The following PCDHA7 variants were observed in gnomAD, a reference collection of about 807,000 sequenced individuals.
PCDHA7 encodes protocadherin alpha-7.
PCDHA7 carries 37 observed loss-of-function variants against 57.2 expected under a neutral mutation model. The ratio of observed to expected loss-of-function variants is 0.65; its 90% confidence interval spans 0.50 to 0.85. PCDHA7 has a LOEUF of 0.85. Ranked by LOEUF, PCDHA7 falls within the 40% of genes least tolerant of loss-of-function variation. The probability of loss-of-function intolerance (pLI) is 0.00; values close to 1 mark genes in which losing one functional copy is unlikely to be tolerated. For missense variants in PCDHA7, 1,188 were observed against 1,241.8 expected, an observed-to-expected ratio of 0.96 and a Z score of 0.65; for synonymous variants, 553 against 558.8, an observed-to-expected ratio of 0.99 and a Z score of 0.15.
rs782058857 is a variant in PCDHA7 at position 140,870,963 on chromosome 5, G to A, written c.2355+34225G>A. Reference sequence around the variant, plus strand: ...CGGCGGCGGGCGGCTCGCGCATCCCGTTCCGCGTGGGGCTGTACACGGGCG... The same window carrying A: ...CGGCGGCGGGCGGCTCGCGCATCCCATTCCGCGTGGGGCTGTACACGGGCG... On this transcript the variant is annotated intron_variant, in intron 1 of 3. Coordinates refer to ENST00000525929, the MANE Select transcript of PCDHA7 (RefSeq NM_018910.3). 1.4e-5 allele frequency: 22 copies of A among 1,613,504 alleles called. 1 individual carries two copies. The highest frequency in any genetic ancestry group is 1.9e-5 in the Non-Finnish European group (22 of 1,179,890).
At chr5:140,884,046 A>G (rs781965939) in intron 1 of PCDHA7, 6 of 1,613,474 alleles carry the variant, frequency 3.7e-6, no homozygotes, top group Non-Finnish European at 5.1e-6. Flanking sequence ...GTGGTGGCGA[A>G]GGTGCGCGCG....
chr5:140,945,022 A>G (rs926595272), intron 1 of PCDHA7, among the ~76,000 whole-genome samples: 2 of 152,140 alleles, frequency 1.3e-5, no homozygotes, highest in Non-Finnish European at 2.9e-5. Flanking sequence ...TTTTTTACTC[A>G]GACATAATTA....
chr5:140,943,276 AAGAAAG>A (rs2093462778), intron 1 of PCDHA7, among the ~76,000 whole-genome samples: 3 of 135,982 alleles, frequency 2.2e-5, no homozygotes, highest in African/African-American at 8.7e-5. Flanking sequence ...AAAAAAAAAA[AAGAAAG>A]AAAGAATTAA....
intron 3 of PCDHA7, among the ~76,000 whole-genome samples, chr5:141,009,257 C>G (rs1375950001): frequency 6.6e-6 from 1 of 152,136 alleles, no homozygotes; most frequent in Non-Finnish European, 1.5e-5. Flanking sequence ...GTGTTTGAGA[C>G]CAGCCTGGGC....
rs186780543 is a variant in PCDHA7, at chr5:140,848,623, C to T, written c.2355+11885C>T. On this transcript the variant is annotated intron_variant, in intron 1 of 3. Transcript: ENST00000525929. The stretch of plus-strand genomic sequence containing the variant: ...GTCCCGGAGGAAGCCGAACACGGCA[C>T]CTTCGTGGGCCGCATCGCGCAGGAC... The T allele has an allele frequency of 1.0e-5, 16 of 1,592,746 alleles. 2 individuals carry two copies. The Admixed American group carries it at 1.5e-4, about 15-fold the overall frequency.
intron 1 of PCDHA7, among the ~76,000 whole-genome samples, chr5:140,964,320 T>C (rs782388382): frequency 1.3e-5 from 2 of 152,206 alleles, no homozygotes; most frequent in Non-Finnish European, 2.9e-5. Context: ...TAAAACAGCA[T>C]AATGGACAAC....
rs782421721 is a variant in PCDHA7, at chr5:140,966,807, C to T, written c.2356-12142C>T. Reference sequence around the variant, plus strand: ...ACCAGACCTGCGGCGACAGAGCATCCACGGCTCCGGCGGCCCATGCCCTGG... The same window carrying T: ...ACCAGACCTGCGGCGACAGAGCATCTACGGCTCCGGCGGCCCATGCCCTGG... On this transcript the variant is annotated intron_variant, in intron 1 of 3. Transcript: ENST00000525929. 3 of 1,547,208 alleles carry T rather than the reference C, an allele frequency of 1.9e-6. No homozygotes were observed. The South Asian group carries it at 3.6e-5, about 18-fold the overall frequency.
Position 141,000,421 on chromosome 5 carries a change from A to ATTTT in PCDHA7, c.2504-9186_2504-9183dup, listed in dbSNP as rs34755515. ...TATATATATATATATATATATATAT[A>ATTTT]TTTTTTTTTTTTTTTTTTTTTTTGA... On this transcript the variant is annotated intron_variant, in intron 3 of 3. Transcript: ENST00000525929. Among the ~76,000 whole-genome samples the ATTTT allele has an allele frequency of 6.1e-3, 170 of 27,980 alleles. 16 individuals carry two copies. The highest frequency in any genetic ancestry group is 7.4e-3 in the Non-Finnish European group (131 of 17,660). The allele number at this position is 27,980 out of a possible 152,430, so 18.4% of individuals were successfully genotyped here.
chr5:140,882,351 G>A, intron 1 of PCDHA7: 1 of 1,614,214 alleles, frequency 6.2e-7, no homozygotes, highest in East Asian at 2.2e-5. Context: ...GAGACGGGTA[G>A]TGGCCAGCTC....
chr5:140,966,644 G>A, intron 1 of PCDHA7: 1 of 1,127,128 alleles, frequency 8.9e-7, no homozygotes, highest in Non-Finnish European at 1.2e-6. Context: ...GCTTTCTAGA[G>A]CGTGAGCGGT....
rs781845787 is a variant in PCDHA7, at chr5:140,884,003, G to C, written c.2355+47265G>C. 7.4e-6 allele frequency: 12 copies of C among 1,613,086 alleles called. No homozygotes were observed. In the South Asian group the frequency reaches 1.3e-4, roughly 18 times the overall value. ...TGGCAGCGCGGGAGGCACAGTGAGC[G>C]AGCTGATGCCGCGGTCGGTGGGTGC... On this transcript the variant is annotated intron_variant, in intron 1 of 3. Transcript: ENST00000525929.
rs375771604 is a variant in PCDHA7, at chr5:140,876,994, G to A, written c.2355+40256G>A. ...GGGCGAGCACGCACTGTCGAGCTAC[G>A]TGTCGGTGCACGCGGAGAGCGGCAA... On this transcript the variant is annotated intron_variant, in intron 1 of 3. Transcript: ENST00000525929. The A allele has an allele frequency of 5.6e-6, 9 of 1,612,502 alleles. No individual in the cohort carries two copies. The highest frequency in any genetic ancestry group is 5.0e-5 in the Admixed American group (3 of 59,998).
chr5:140,947,401 G>A (rs1314695904), intron 1 of PCDHA7, among the ~76,000 whole-genome samples: 1 of 151,652 alleles, frequency 6.6e-6, no homozygotes, highest in Non-Finnish European at 1.5e-5. Flanking sequence ...AAAGTAGACT[G>A]TCTTGATATT....
rs533097473 is a variant in PCDHA7 at position 140,902,214 on chromosome 5, T to C, written c.2355+65476T>C. ...CTCTCTCTCTCTTTCTTTTTTTTTT[T>C]TTTTTTTGAGATGAGGACTTGCTTT... On this transcript the variant is annotated intron_variant, in intron 1 of 3. Coordinates refer to ENST00000525929, the MANE Select transcript of PCDHA7 (RefSeq NM_018910.3). Among the ~76,000 whole-genome samples the C allele has an allele frequency of 1.3e-3, 198 of 150,584 alleles. 6 individuals are homozygous for C. The South Asian group carries it at 0.04, about 30-fold the overall frequency.
At chr5:140,969,552 T>A in intron 1 of PCDHA7, 1 of 1,234,382 alleles carries the variant, frequency 8.1e-7, no homozygotes, top group Non-Finnish European at 1.1e-6. Flanking sequence ...CATGAAGCCT[T>A]GTCCATAAAA....
chr5:141,006,794 A>G (rs1416356472), intron 3 of PCDHA7, among the ~76,000 whole-genome samples: 1 of 152,160 alleles, frequency 6.6e-6, no homozygotes, highest in African/African-American at 2.4e-5. Context: ...ATTAGCTTTG[A>G]ACTTTCTGGC....
At chr5:140,931,183 T>C (rs1225985669) in intron 1 of PCDHA7, among the ~76,000 whole-genome samples, 2 of 152,158 alleles carry the variant, frequency 1.3e-5, no homozygotes, top group Non-Finnish European at 2.9e-5. Context: ...GGGAAGGAAA[T>C]TGGTGCACTA....
intron 1 of PCDHA7, among the ~76,000 whole-genome samples, chr5:140,942,596 A>G (rs116159999): frequency 2.2e-4 from 31 of 142,420 alleles, no homozygotes; most frequent in Admixed American, 2.0e-3. Flanking sequence ...ACATATAATT[A>G]TAGTGTTTAT....
At chr5:140,967,780 T>C in intron 1 of PCDHA7, 1 of 1,614,214 alleles carries the variant, frequency 6.2e-7, no homozygotes, top group Non-Finnish European at 8.5e-7. Context: ...TGCAGGCGAC[T>C]GACCGGGGTC....
Sources: gnomAD v4.1 joint callset for allele counts (sites outside exome capture counted in the v4.1 genomes callset) on GRCh38, gnomAD v4.1.1 for gene constraint, MANE v1.5 for transcripts, NCBI Gene and HGNC (gene_info 2026-07-23, HGNC 2026-07-21) for gene names.